YAP1: variants seen among roughly 807,000 people sequenced by gnomAD.
The protein encoded by YAP1 is Yes1 associated transcriptional regulator.
A neutral mutation model predicts 56.9 loss-of-function variants in YAP1; 5 were observed. The observed-to-expected ratio is 0.09, with a 90% confidence interval of 0.05 to 0.18. The LOEUF (loss-of-function observed/expected upper bound fraction) is 0.18. YAP1 is among the 10% of genes least tolerant of loss of function. YAP1 has a pLI of 1.00. For synonymous variants in YAP1, 265 were observed against 248.1 expected, an observed-to-expected ratio of 1.07 and a Z score of -0.64; for missense variants, 539 against 651.8, an observed-to-expected ratio of 0.83 and a Z score of 1.88.
intron 2 of YAP1, among the ~76,000 whole-genome samples, chr11:102,121,582 A>C (rs1004893543): frequency 6.6e-6 from 1 of 152,096 alleles, no homozygotes; most frequent in South Asian, 2.1e-4. Context: ...CATACTGTCT[A>C]TGCTACCTCC....
At chr11:102,189,732 G>C (rs1404443095) in intron 4 of YAP1, among the ~76,000 whole-genome samples, 2 of 152,128 alleles carry the variant, frequency 1.3e-5, no homozygotes, top group African/African-American at 4.8e-5. Flanking sequence ...ATACACGTGT[G>C]TATGTGTTAC....
chr11:102,196,678 C>T (rs1466841102), intron 4 of YAP1, among the ~76,000 whole-genome samples: 1 of 147,368 alleles, frequency 6.8e-6, no homozygotes, highest in Admixed American at 6.8e-5. Flanking sequence ...TAGATCGTGG[C>T]AATGGGTGTA....
chr11:102,146,657 C>T (rs1315927091), intron 2 of YAP1, among the ~76,000 whole-genome samples: 1 of 152,134 alleles, frequency 6.6e-6, no homozygotes, highest in East Asian at 1.9e-4. Context: ...TATAGCATTT[C>T]CTCAACTCTA....
chr11:102,144,855 A>AACAC (rs565769543), intron 2 of YAP1, among the ~76,000 whole-genome samples: 222 of 101,010 alleles, frequency 2.2e-3, no homozygotes, highest in African/African-American at 5.8e-3. Flanking sequence ...CTTTGGCCAA[A>AACAC]ACACACACAC....
At chr11:102,152,102 C>G (rs1255088180) in intron 2 of YAP1, among the ~76,000 whole-genome samples, 2 of 152,178 alleles carry the variant, frequency 1.3e-5, no homozygotes, top group Non-Finnish European at 2.9e-5. Flanking sequence ...TGCCCAACAC[C>G]TGGGAGTCCA....
chr11:102,183,604 A>C (rs1204697689), intron 3 of YAP1, among the ~76,000 whole-genome samples: 1 of 152,066 alleles, frequency 6.6e-6, no homozygotes, highest in East Asian at 1.9e-4. Flanking sequence ...GGAATTTACA[A>C]AATGAAGTGA....
intron 6 of YAP1, among the ~76,000 whole-genome samples, chr11:102,212,949 C>A (rs1949480896): frequency 6.6e-6 from 1 of 152,200 alleles, no homozygotes; most frequent in Non-Finnish European, 1.5e-5. Context: ...AATTTCCATT[C>A]TCAGAAGAAA....
Position 102,213,676 on chromosome 11 carries a change from C to A in YAP1, c.1032+4112C>A, listed in dbSNP as rs187071363. The stretch of plus-strand genomic sequence containing the variant: ...TGCCTTGTTGCTGTTATTCTGCTCA[C>A]AAGCTTTTCCCCATAGTGAGAACCT... On this transcript the variant is annotated intron_variant, in intron 6 of 8. Coordinates refer to ENST00000282441, the MANE Select transcript of YAP1 (RefSeq NM_001130145.3). 7.1e-4 allele frequency among the ~76,000 whole-genome samples: 108 copies of A among 152,294 alleles called. 1 individual carries two copies. Among genetic ancestry groups the A allele is most frequent in the Admixed American group, 2.6e-4 (4 of 15,296 alleles).
chr11:102,115,565 C>A lies in YAP1; in HGVS notation c.572+1171C>A, dbSNP rs190855677. Among the ~76,000 whole-genome samples, 349 of 149,426 alleles carry A rather than the reference C, an allele frequency of 2.3e-3. 2 individuals carry two copies. Among genetic ancestry groups the A allele is most frequent in the African/African-American group, 8.1e-3 (333 of 41,162 alleles). The stretch of plus-strand genomic sequence containing the variant: ...GAAAAGTTCGTACAGTTTTTTTTTG[C>A]CCCCTTTCCTGCAACTTTTTCTTTT... On this transcript the variant is annotated intron_variant, in intron 2 of 8. Coordinates refer to ENST00000282441, the MANE Select transcript of YAP1 (RefSeq NM_001130145.3).
chr11:102,209,043 T>G (rs1949262360), intron 5 of YAP1, among the ~76,000 whole-genome samples: 1 of 152,240 alleles, frequency 6.6e-6, no homozygotes, highest in African/African-American at 2.4e-5. Flanking sequence ...CTGCCTACTG[T>G]GTCGTCTTTT....
chr11:102,164,442 C>T (rs887963846), intron 3 of YAP1, among the ~76,000 whole-genome samples: 1 of 151,952 alleles, frequency 6.6e-6, no homozygotes, highest in Non-Finnish European at 1.5e-5. Context: ...TGAAATCTGC[C>T]CTGTATTTAT....
chr11:102,163,804 G>T (rs767870201), intron 3 of YAP1, among the ~76,000 whole-genome samples: 2 of 152,214 alleles, frequency 1.3e-5, no homozygotes, highest in South Asian at 4.1e-4. Flanking sequence ...TCTGCCCCTC[G>T]TGCTGGAATG....
intron 4 of YAP1, among the ~76,000 whole-genome samples, chr11:102,196,238 A>T (rs1266410887): frequency 3.9e-5 from 6 of 152,132 alleles, no homozygotes; most frequent in Non-Finnish European, 7.4e-5. Context: ...GTGGGAACGT[A>T]TGTCTCCACA....
intron 5 of YAP1, 92 bp from the exon 6 acceptor site, chr11:102,209,425 G>T (rs576925581): frequency 6.9e-6 from 8 of 1,151,938 alleles, no homozygotes; most frequent in Admixed American, 6.3e-5. Context: ...CTGTGCTATG[G>T]TGATATGTCT....
chr11:102,127,575 C>T (rs929165587), intron 2 of YAP1, among the ~76,000 whole-genome samples: 10 of 152,150 alleles, frequency 6.6e-5, no homozygotes, highest in Admixed American at 3.9e-4. Context: ...GCTGCAGGGG[C>T]GGGGCCCTGA....
rs377421311 is a variant in YAP1, at chr11:102,170,737, G to A, written c.688+8166G>A. Among the ~76,000 whole-genome samples the A allele has an allele frequency of 6.6e-5, 10 of 152,258 alleles. No individual in the cohort carries two copies. In the East Asian group the frequency reaches 1.9e-3, roughly 29 times the overall value. On this transcript the variant is annotated intron_variant, in intron 3 of 8. Transcript: ENST00000282441. ...TAATCCCAGCACTTTGGAAGGCCGA[G>A]GTGGGCACATCACCTGAGGTCAGGA... is the stretch of plus-strand genomic sequence containing the variant.
At chr11:102,216,399 A>C (rs929485850) in intron 6 of YAP1, among the ~76,000 whole-genome samples, 1 of 152,236 alleles carries the variant, frequency 6.6e-6, no homozygotes, top group Non-Finnish European at 1.5e-5. Context: ...TGTTTAATCA[A>C]AAATATATTT....
Position 102,128,305 on chromosome 11 carries a change from T to G in YAP1, c.572+13911T>G, listed in dbSNP as rs116995491. ...TGGGAGGGACTCGGCGGGGGGTAAT[T>G]GAATTATGGGGTCTAGTCTTTCCCG... On this transcript the variant is annotated intron_variant, in intron 2 of 8. Transcript: ENST00000282441. 2.5e-3 allele frequency among the ~76,000 whole-genome samples: 376 copies of G among 152,276 alleles called. 19 individuals carry two copies. In the East Asian group the frequency reaches 0.061, roughly 25 times the overall value.
At chr11:102,129,251 A>G (rs1211266850) in intron 2 of YAP1, among the ~76,000 whole-genome samples, 1 of 151,730 alleles carries the variant, frequency 6.6e-6, no homozygotes, top group Non-Finnish European at 1.5e-5. Flanking sequence ...TTTTTTTTCT[A>G]TATACTATCA....
Sources: allele counts gnomAD v4.1 joint callset (sites outside exome capture counted in the v4.1 genomes callset), GRCh38; gene constraint gnomAD v4.1.1; transcripts MANE v1.5; gene names NCBI Gene and HGNC (gene_info 2026-07-23, HGNC 2026-07-21).